GALNT12: variants seen among roughly 807,000 people sequenced by gnomAD.
GALNT12 encodes polypeptide N-acetylgalactosaminyltransferase 12, also known as UDP-GalNAc:polypeptide N-acetylgalactosaminyltransferase 12.
In GALNT12, 45 loss-of-function variants were observed where a neutral mutation model predicts 55.5. The ratio of observed to expected loss-of-function variants is 0.81; its 90% confidence interval spans 0.64 to 1.04. GALNT12 has a LOEUF of 1.04. Among genes scored for constraint, GALNT12 ranks in the 50% least tolerant of loss-of-function variants. GALNT12 has a pLI of 0.00. For synonymous variants in GALNT12, 304 were observed against 312.2 expected (o/e 0.97, Z 0.28); for missense variants, 709 against 754.8 (o/e 0.94, Z 0.71).
intron 3 of GALNT12, among the ~76,000 whole-genome samples, chr9:98,829,832 A>G (rs1037533678): frequency 6.6e-6 from 1 of 152,148 alleles, no homozygotes; most frequent in Non-Finnish European, 1.5e-5. Context: ...ATAGTACTCT[A>G]TTGTGAGTAT....
chr9:98,823,784 A>G (rs1835801110), intron 2 of GALNT12, among the ~76,000 whole-genome samples: 1 of 152,204 alleles, frequency 6.6e-6, no homozygotes, highest in Non-Finnish European at 1.5e-5. Context: ...AGCAAGGTCC[A>G]GGTCCCTCTG....
intron 1 of GALNT12, among the ~76,000 whole-genome samples, chr9:98,820,800 G>A (rs1157798206): frequency 6.6e-6 from 1 of 152,186 alleles, no homozygotes; most frequent in Non-Finnish European, 1.5e-5. Flanking sequence ...TTTGACGGGT[G>A]TGGGATTGTA....
intron 1 of GALNT12, among the ~76,000 whole-genome samples, chr9:98,822,951 A>G (rs1309750412): frequency 6.6e-6 from 1 of 152,160 alleles, no homozygotes; most frequent in African/African-American, 2.4e-5. Flanking sequence ...AAGGAGGGCG[A>G]TGGGGAAGGA....
At position 98,849,279 on chromosome 9, in the gene GALNT12, T is replaced by C. The variant is rs1402448624; in HGVS notation, c.*187T>C. The C allele has an allele frequency of 1.6e-6, 1 of 630,374 alleles. No individual in the cohort carries two copies. The highest frequency in any genetic ancestry group is 2.8e-6 in the Non-Finnish European group (1 of 358,228). The allele number at this position is 630,374 out of a possible 1,614,324, so 39.0% of individuals were successfully genotyped here. Reference sequence around the variant, plus strand: ...AAAATGTGAATAAGCTTTGTACTTATTTTGAGAACTTTTTAAATGTTCCAA... The same window carrying C: ...AAAATGTGAATAAGCTTTGTACTTACTTTGAGAACTTTTTAAATGTTCCAA... On this transcript the variant is annotated 3_prime_UTR_variant, in exon 10 of 10. Transcript: ENST00000375011.
intron 9 of GALNT12, chr9:98,847,605 T>A (rs563456461): frequency 6.6e-6 from 1 of 152,158 alleles, no homozygotes; most frequent in Non-Finnish European, 1.5e-5. Flanking sequence ...CTGAATTGGA[T>A]TTTTTACCTT....
At chr9:98,826,638 C>T (rs1001634262) in intron 2 of GALNT12, 114 bp from the exon 3 acceptor site, 3 of 1,048,018 alleles carry the variant, frequency 2.9e-6, no homozygotes, top group African/African-American at 3.2e-5. Flanking sequence ...AAAGGAGGCT[C>T]CTGTCTATTT....
chr9:98,831,730 G>A (rs769556682), intron 3 of GALNT12, 42 bp from the exon 4 acceptor site: 54 of 1,612,208 alleles, frequency 3.3e-5, no homozygotes, highest in South Asian at 1.2e-4. Flanking sequence ...CCTGCTGCCC[G>A]TCTGCATAGG....
chr9:98,848,456 TATAACCCACTGATTCTCTG>T (rs1220426391), intron 9 of GALNT12, among the ~76,000 whole-genome samples: 1 of 152,156 alleles, frequency 6.6e-6, no homozygotes, highest in Non-Finnish European at 1.5e-5. Flanking sequence ...GCACAAGGCA[TATAACCCACTGATTCTCTG>T]ATGTGTGACA....
At chr9:98,839,235 A>G (rs1836228286) in intron 6 of GALNT12, among the ~76,000 whole-genome samples, 1 of 152,190 alleles carries the variant, frequency 6.6e-6, no homozygotes, top group Non-Finnish European at 1.5e-5. Flanking sequence ...AGTGACTTTC[A>G]CCAGTGAAAG....
intron 1 of GALNT12, among the ~76,000 whole-genome samples, chr9:98,822,413 T>C (rs1314971997): frequency 6.6e-6 from 1 of 152,160 alleles, no homozygotes; most frequent in African/African-American, 2.4e-5. Flanking sequence ...AACCTTCAGT[T>C]CAAAGTGACG....
chr9:98,820,498 T>C (rs1026886560), intron 1 of GALNT12, among the ~76,000 whole-genome samples: 2 of 152,264 alleles, frequency 1.3e-5, no homozygotes, highest in Admixed American at 6.5e-5. Context: ...CAGTCTATCA[T>C]TGATGGGCAT....
chr9:98,823,281 G>T lies in GALNT12; in HGVS notation c.397G>T (p.Asp133Tyr). 2 of 1,614,210 alleles carry T rather than the reference G, an allele frequency of 1.2e-6. No homozygotes were observed. Among genetic ancestry groups the T allele is most frequent in the South Asian group, 1.1e-5 (1 of 91,086 alleles). The change falls in exon 2 of 10, where the codon GAT (aspartate) becomes TAT (tyrosine). Residue 133 changes from aspartate (D) to tyrosine (Y), a missense_variant. Asp to Tyr is a radical substitution (Grantham distance 160, BLOSUM62 -3). This residue lies in a region of GALNT12 where 315 missense variants were observed against 288.6 expected (regional missense o/e 1.09). Transcript: ENST00000375011. ...PLCKEKKYDY[D>Y]NLPRTSVIIA... ...GTGCAAAGAGAAGAAATATGATTAT[G>T]ATAATTTGCCCAGGACATCTGTTAT...
chr9:98,816,677 A>T (rs1199847907), intron 1 of GALNT12, among the ~76,000 whole-genome samples: 2 of 144,002 alleles, frequency 1.4e-5, no homozygotes, highest in African/African-American at 2.6e-5. Context: ...TTGAGTCAGG[A>T]TCTGGCTCTG....
chr9:98,847,672 T>C (rs1588460502), intron 9 of GALNT12, among the ~76,000 whole-genome samples: 1 of 152,292 alleles, frequency 6.6e-6, no homozygotes, highest in African/African-American at 2.4e-5. Flanking sequence ...CTTGATTTAT[T>C]ATATTTCATC....
intron 1 of GALNT12, among the ~76,000 whole-genome samples, chr9:98,811,055 G>T (rs1188196648): frequency 1.3e-5 from 2 of 152,108 alleles, no homozygotes; most frequent in Non-Finnish European, 2.9e-5. Flanking sequence ...ATATATTGAT[G>T]CCAGGAATCT....
Position 98,813,103 on chromosome 9 carries a change from TCTC to T in GALNT12, c.371+5037_371+5039del, listed in dbSNP as rs201247711. Among the ~76,000 whole-genome samples, 836 of 152,362 alleles carry T rather than the reference TCTC, an allele frequency of 5.5e-3. 5 individuals carry two copies. Among genetic ancestry groups the T allele is most frequent in the South Asian group, 0.024 (116 of 4,832 alleles). ...GAGTCAGAGACCTTTCTGGGATTCTTCTCCTTCTTCCTGAAATACATCATGTAT... is the reference window on the plus strand; with the variant it reads ...GAGTCAGAGACCTTTCTGGGATTCTTCTTCTTCCTGAAATACATCATGTAT... On this transcript the variant is annotated intron_variant, in intron 1 of 9. Transcript: ENST00000375011.
chr9:98,815,118 A>C (rs1386886795), intron 1 of GALNT12, among the ~76,000 whole-genome samples: 1 of 152,228 alleles, frequency 6.6e-6, no homozygotes. Flanking sequence ...GCTTTTTATT[A>C]GTCAGGAAAA....
In GALNT12 at chr9:98,829,516, A is replaced by AT. The variant is rs78378866; in HGVS notation, c.732-2244dup. On this transcript the variant is annotated intron_variant, in intron 3 of 9. Coordinates refer to ENST00000375011, the MANE Select transcript of GALNT12 (RefSeq NM_024642.5). Reference sequence around the variant, plus strand: ...TTATTTTTAAATGTACAATTAAATTATTTTTTTTTTTTACTATAGTCACTC... The same window carrying AT: ...TTATTTTTAAATGTACAATTAAATTATTTTTTTTTTTTTACTATAGTCACTC... Among the ~76,000 whole-genome samples the AT allele has an allele frequency of 6.1e-3, 901 of 147,574 alleles. 9 individuals carry two copies. Among genetic ancestry groups the AT allele is most frequent in the African/African-American group, 0.018 (729 of 40,362 alleles).
chr9:98,849,665 A>C lies in GALNT12; in HGVS notation c.*573A>C. 5 of 409,326 alleles carry C rather than the reference A, an allele frequency of 1.2e-5. No homozygotes were observed. Among genetic ancestry groups the C allele is most frequent in the Non-Finnish European group, 2.2e-5 (5 of 232,050 alleles). 25.4% of individuals were successfully genotyped at this position (409,326 alleles called of 1,614,324 possible). ...GAATGCTTTTTGGTTATGTGTTGCT[A>C]CCACAGTTAACACTCCATAATGTTC... On this transcript the variant is annotated 3_prime_UTR_variant, in exon 10 of 10. Transcript: ENST00000375011.
Sources: gnomAD v4.1 joint callset for allele counts (sites outside exome capture counted in the v4.1 genomes callset) on GRCh38, gnomAD v4.1.1 for gene constraint, gnomAD v4.1.1 regional missense constraint, MANE v1.5 for transcripts, NCBI Gene and HGNC (gene_info 2026-07-23, HGNC 2026-07-21) for gene names.